Variants in OR3A1 observed in about 807,000 individuals in gnomAD.
The protein encoded by OR3A1 is olfactory receptor 3A1.
For synonymous variants in OR3A1, 145 were observed against 160.0 expected (o/e 0.91, Z 0.71); for missense variants, 402 against 393.8 (o/e 1.02, Z -0.18).
In OR3A1 at chr17:3,292,378, G is replaced by C; in HGVS notation, c.205C>G (p.Leu69Val). 9.3e-6 allele frequency: 15 copies of C among 1,614,114 alleles called. No homozygotes were observed. Among genetic ancestry groups the C allele is most frequent in the Non-Finnish European group, 1.3e-5 (15 of 1,180,022 alleles). The change falls in exon 2 of 2, where the codon CTA becomes GTA. Residue 69 changes from leucine to valine, a missense_variant. Leu to Val is a conservative substitution (Grantham distance 32, BLOSUM62 1). Coordinates refer to ENST00000323404, the MANE Select transcript of OR3A1 (RefSeq NM_002550.3). The part of the protein sequence containing the change: ...HTPMYFFLGN[L>V]SVLDVGCISV... ...ATGCACCCAACATCCAGCACTGATA[G>C]GTTCCCCAGGAAGAAGTACATGGGG...
At position 3,291,780 on chromosome 17, in the gene OR3A1, G is replaced by A. The variant is rs1270096923; in HGVS notation, c.803C>T (p.Thr268Ile). The A allele has an allele frequency of 6.2e-7, 1 of 1,613,614 alleles. No individual in the cohort carries two copies. The change falls in exon 2 of 2, where the codon ACC becomes ATC. Residue 268 changes from threonine (T) to isoleucine (I), a missense_variant. Coordinates refer to ENST00000323404, the MANE Select transcript of OR3A1 (RefSeq NM_002550.3). ...AGCTTTATCCTTGTCTGAAAGCTTG[G>A]TTGAACCCAGTCGCATATAGTTAAA... Reference protein sequence around the residue: ...GIFNYMRLGSTKLSDKDKAVG... With the variant: ...GIFNYMRLGSIKLSDKDKAVG...
chr17:3,292,679 G>A (rs565005394), intron 1 of OR3A1, 91 bp from the exon 2 acceptor site: 12 of 1,081,330 alleles, frequency 1.1e-5, no homozygotes, highest in African/African-American at 3.2e-5. Context: ...CTACTTGCCC[G>A]GCCCTCTGCC....
chr17:3,297,448 TCTAA>T (rs1359293986), intron 1 of OR3A1, among the ~76,000 whole-genome samples: 3 of 147,828 alleles, frequency 2.0e-5, no homozygotes, highest in South Asian at 2.1e-4. Flanking sequence ...TGGAACATCC[TCTAA>T]CTAATTCTAA....
At chr17:3,295,959 G>A (rs1394682435) in intron 1 of OR3A1, among the ~76,000 whole-genome samples, 1 of 152,006 alleles carries the variant, frequency 6.6e-6, no homozygotes, top group East Asian at 1.9e-4. Flanking sequence ...GGGTAACAGT[G>A]GATTTTAGTG....
chr17:3,291,673 T>C lies in OR3A1; in HGVS notation c.910A>G (p.Ile304Val), dbSNP rs749398145. Residue 304 changes from isoleucine (I) to valine (V), a missense_variant, in exon 2 of 2, where the codon ATC (isoleucine) becomes GTC (valine). Transcript: ENST00000323404. ...CGCCTCCCTGTGAGCATCCTCCAGATGGCACTCTGCACATCAGGGTTTCTG... is the reference window on the plus strand; with the variant it reads ...CGCCTCCCTGTGAGCATCCTCCAGACGGCACTCTGCACATCAGGGTTTCTG... ...SFRNPDVQSAIWRMLTGRRSL... is the reference protein window; with the variant it reads ...SFRNPDVQSAVWRMLTGRRSL... 6.8e-6 allele frequency: 11 copies of C among 1,607,282 alleles called. No individual in the cohort carries two copies. Among genetic ancestry groups the C allele is most frequent in the Middle Eastern group, 1.6e-4 (1 of 6,066 alleles).
Position 3,291,645 on chromosome 17 carries a change from G to A in OR3A1, c.938C>T (p.Ser313Leu). Residue 313 changes from serine (S) to leucine (L), a missense_variant, in exon 2 of 2, where the codon TCA (serine) becomes TTA (leucine). Physicochemically the swap from Ser to Leu is moderately radical, Grantham distance 145. Transcript: ENST00000323404. ...TCAATTGAGACCTCCTCAAGCCAGT[G>A]ACCGCCTCCCTGTGAGCATCCTCCA... is the stretch of plus-strand genomic sequence containing the variant. ...AIWRMLTGRR[S>L]LA is the part of the protein sequence containing the mutation. 1 of 1,597,066 alleles carries A rather than the reference G, an allele frequency of 6.3e-7. No homozygotes were observed. The highest frequency in any genetic ancestry group is 8.6e-7 in the Non-Finnish European group (1 of 1,166,892).
In OR3A1 at chr17:3,292,449, T is replaced by A. The variant is rs148768371; in HGVS notation, c.134A>T (p.Asn45Ile). 1.2e-6 allele frequency: 2 copies of A among 1,607,434 alleles called. No individual in the cohort carries two copies. The highest frequency in any genetic ancestry group is 1.4e-5 in the African/African-American group (1 of 72,336). Residue 45 changes from asparagine to isoleucine, a missense_variant, in exon 2 of 2, where the codon AAC becomes ATC. By Grantham distance (149) the Asn-to-Ile change is moderately radical. Coordinates refer to ENST00000323404, the MANE Select transcript of OR3A1 (RefSeq NM_002550.3). Reference protein sequence around the residue: ...LFAYLVTVRGNLSILAAVLVE... With the variant: ...LFAYLVTVRGILSILAAVLVE... ...CAAGACAGCTGCCAGGATGCTGAGG[T>A]TGCCCCTGACCGTGACCAGGTAGGC... is the stretch of plus-strand genomic sequence containing the variant.
In OR3A1 at chr17:3,292,542, T is replaced by G. The variant is rs1256185069; in HGVS notation, c.41A>C (p.Glu14Ala). 6.2e-7 allele frequency: 1 copy of G among 1,613,650 alleles called. No homozygotes were observed. The highest frequency in any genetic ancestry group is 8.5e-7 in the Non-Finnish European group (1 of 1,179,874). ...ESGANGTVIA[E>A]FILLGLLEAP... ...CTCCAGCAAGCCCAGCAGGATGAAC[T>G]CAGCAATGACTGTTCCATTGGCCCC... Residue 14 changes from glutamate (E) to alanine (A), a missense_variant, in exon 2 of 2, where the codon GAG becomes GCG. Glu to Ala is a moderately radical substitution (Grantham distance 107, BLOSUM62 -1). Transcript: ENST00000323404.
In OR3A1 at chr17:3,292,352, G is replaced by A. The variant is rs1465809191; in HGVS notation, c.231C>T (p.Ile77=). 6.2e-7 allele frequency: 1 copy of A among 1,614,130 alleles called. No homozygotes were observed. ...TCAACATTGATGGAACAGTGACGCT[G>A]ATGCACCCAACATCCAGCACTGATA... ...GNLSVLDVGC[I]SVTVPSMLSR... is the part of the protein sequence containing the mutation. The change falls in exon 2 of 2, where the codon ATC becomes ATT. Residue 77 remains isoleucine, a synonymous_variant. Coordinates refer to ENST00000323404, the MANE Select transcript of OR3A1 (RefSeq NM_002550.3).
chr17:3,294,474 C>A (rs569141352), intron 1 of OR3A1, among the ~76,000 whole-genome samples: 2 of 152,056 alleles, frequency 1.3e-5, no homozygotes, highest in East Asian at 3.9e-4. Flanking sequence ...TATGTACATT[C>A]GAGTTACCAA....
At position 3,292,109 on chromosome 17, in the gene OR3A1, G is replaced by C. The variant is rs752671269; in HGVS notation, c.474C>G (p.Asn158Lys). 6.2e-7 allele frequency: 1 copy of C among 1,614,186 alleles called. No individual in the cohort carries two copies. The highest frequency in any genetic ancestry group is 8.5e-7 in the Non-Finnish European group (1 of 1,180,040). ...VAASWACAFTNALTHTVAMST... is the reference protein window; with the variant it reads ...VAASWACAFTKALTHTVAMST... Reference sequence around the variant, plus strand: ...ACATGGCCACAGTGTGGGTCAGTGCGTTGGTGAAAGCACAAGCCCAGGACG... The same window carrying C: ...ACATGGCCACAGTGTGGGTCAGTGCCTTGGTGAAAGCACAAGCCCAGGACG... The change falls in exon 2 of 2, where the codon AAC (asparagine) becomes AAG (lysine). Residue 158 changes from asparagine (N) to lysine (K), a missense_variant. Asn to Lys is a moderately conservative substitution (Grantham distance 94). Transcript: ENST00000323404.
intron 1 of OR3A1, among the ~76,000 whole-genome samples, chr17:3,293,069 A>G (rs914577753): frequency 5.9e-5 from 9 of 152,182 alleles, no homozygotes; most frequent in African/African-American, 2.2e-4. Context: ...GGATTCAAGA[A>G]CAGTAAAGAT....
At position 3,291,816 on chromosome 17, in the gene OR3A1, C is replaced by G. The variant is rs763765833; in HGVS notation, c.767G>C (p.Gly256Ala). ...TCGCATATAGTTAAAGATACCTGAA[C>G]CATAGAATATGGCAACCACAGTGAG... ...SHLTVVAIFY[G>A]SGIFNYMRLG... is the part of the protein sequence containing the mutation. Residue 256 changes from glycine (G) to alanine (A), a missense_variant, in exon 2 of 2, where the codon GGT becomes GCT. Physicochemically the swap from Gly to Ala is moderately conservative, Grantham distance 60 (BLOSUM62 0). Coordinates refer to ENST00000323404, the MANE Select transcript of OR3A1 (RefSeq NM_002550.3). The G allele has an allele frequency of 6.2e-7, 1 of 1,613,830 alleles. No individual in the cohort carries two copies. The highest frequency in any genetic ancestry group is 1.1e-5 in the South Asian group (1 of 91,092).
intron 1 of OR3A1, among the ~76,000 whole-genome samples, chr17:3,297,159 G>A (rs2048925733): frequency 6.6e-6 from 1 of 152,096 alleles, no homozygotes; most frequent in Non-Finnish European, 1.5e-5. Flanking sequence ...GGTGGCTGTC[G>A]GATTTGGGAG....
Position 3,291,935 on chromosome 17 carries a change from G to A in OR3A1, c.648C>T (p.Leu216=). 3 of 1,614,096 alleles carry A rather than the reference G, an allele frequency of 1.9e-6. No individual in the cohort carries two copies. The highest frequency in any genetic ancestry group is 1.6e-4 in the Middle Eastern group (1 of 6,084). The change falls in exon 2 of 2, where the codon CTC becomes CTT. Residue 216 remains leucine (L), a synonymous_variant. Coordinates refer to ENST00000323404, the MANE Select transcript of OR3A1 (RefSeq NM_002550.3). ...CCACGTGGATATAGGAGATGACAAT[G>A]AGAGCCATGGGGGTACCTGCCATTA... ...GFIMAGTPMA[L]IVISYIHVAA... is the part of the protein sequence containing the mutation.
intron 1 of OR3A1, among the ~76,000 whole-genome samples, chr17:3,297,888 G>A (rs1244974467): frequency 2.0e-5 from 3 of 152,024 alleles, no homozygotes; most frequent in Non-Finnish European, 4.4e-5. Context: ...ACGATTTAAG[G>A]GAGGTGCAAG....
intron 1 of OR3A1, among the ~76,000 whole-genome samples, chr17:3,296,220 G>T (rs555659618): frequency 6.6e-6 from 1 of 152,160 alleles, no homozygotes; most frequent in South Asian, 2.1e-4. Flanking sequence ...AATATTTAAA[G>T]AAATCCTTAA....
Position 3,291,653 on chromosome 17 carries a change from C to T in OR3A1, c.930G>A (p.Gly310=), listed in dbSNP as rs1261130691. The change falls in exon 2 of 2, where the codon GGG becomes GGA. Residue 310 remains glycine, a synonymous_variant. Transcript: ENST00000323404. ...VQSAIWRMLT[G]RRSLA ...GACCTCCTCAAGCCAGTGACCGCCT[C>T]CCTGTGAGCATCCTCCAGATGGCAC... 1.2e-6 allele frequency: 2 copies of T among 1,600,388 alleles called. No individual in the cohort carries two copies. The highest frequency in any genetic ancestry group is 4.5e-5 in the East Asian group (2 of 44,454).
chr17:3,296,503 T>C (rs1424002625), intron 1 of OR3A1, among the ~76,000 whole-genome samples: 1 of 152,084 alleles, frequency 6.6e-6, no homozygotes, highest in Admixed American at 6.6e-5. Context: ...AAGAAATCTT[T>C]TATGGGTAGG....
Sources: gnomAD v4.1 joint callset for allele counts (sites outside exome capture counted in the v4.1 genomes callset) on GRCh38, gnomAD v4.1.1 for gene constraint, MANE v1.5 for transcripts, NCBI Gene and HGNC (gene_info 2026-07-23, HGNC 2026-07-21) for gene names.